CSMD1: variants seen among roughly 807,000 people sequenced by gnomAD.
The protein encoded by CSMD1 is CUB and sushi domain-containing protein 1.
CSMD1 carries 213 observed loss-of-function variants against 417.5 expected under a neutral mutation model. The ratio of observed to expected loss-of-function variants is 0.51; its 90% CI spans 0.46 to 0.57. CSMD1 has a LOEUF of 0.57. CSMD1 is among the 20% of genes least tolerant of loss of function. The pLI is 0.00. For missense variants in CSMD1, 6,923 were observed against 4,529.7 expected (o/e 1.53, Z -15.17); for synonymous variants, 2,862 against 1,736.8 (o/e 1.65, Z -16.11).
intron 3 of CSMD1, among the ~76,000 whole-genome samples, chr8:4,377,046 T>C (rs1441317192): frequency 1.3e-5 from 2 of 152,180 alleles, no homozygotes; most frequent in Non-Finnish European, 2.9e-5. Context: ...CGGTTTCAGA[T>C]TGTTCTCCTG....
intron 5 of CSMD1, among the ~76,000 whole-genome samples, chr8:3,794,303 C>T (rs1450633453): frequency 1.3e-5 from 2 of 152,152 alleles, no homozygotes; most frequent in African/African-American, 4.8e-5. Flanking sequence ...CGACTTCAAA[C>T]TGAAAACTCT....
At chr8:4,856,752 C>G (rs1801824836) in intron 1 of CSMD1, among the ~76,000 whole-genome samples, 1 of 149,420 alleles carries the variant, frequency 6.7e-6, no homozygotes, top group African/African-American at 2.5e-5. Context: ...ACAGGAGCAC[C>G]AAGATTCATA....
chr8:4,420,022 A>T lies in CSMD1; in HGVS notation c.346T>A (p.Ser116Thr). The T allele has an allele frequency of 6.3e-7, 1 of 1,584,328 alleles. No homozygotes were observed. The highest frequency in any genetic ancestry group is 8.6e-7 in the Non-Finnish European group (1 of 1,164,016). Residue 116 changes from serine to threonine, a missense_variant, in exon 3 of 70, where the codon TCT becomes ACT. By Grantham distance (58) the Ser-to-Thr change is moderately conservative (BLOSUM62 1). Coordinates refer to ENST00000635120, the MANE Select transcript of CSMD1 (RefSeq NM_033225.6). ...GTCGTGAACCACAGAGTGAGGATAGATCCTGTACTCACTATAGAGGAGGGC... is the reference window on the plus strand; with the variant it reads ...GTCGTGAACCACAGAGTGAGGATAGTTCCTGTACTCACTATAGAGGAGGGC... Reference protein sequence around the residue: ...QLPSSIVSTGSILTLWFTTDF... With the variant: ...QLPSSIVSTGTILTLWFTTDF...
intron 3 of CSMD1, among the ~76,000 whole-genome samples, chr8:4,331,547 G>A (rs75758201): frequency 3.9e-5 from 6 of 152,208 alleles, no homozygotes; most frequent in Admixed American, 6.5e-5. Context: ...AAGCCTGGCA[G>A]TATGAATTAA....
chr8:4,866,626 A>T (rs1299137859), intron 1 of CSMD1, among the ~76,000 whole-genome samples: 1 of 151,960 alleles, frequency 6.6e-6, no homozygotes, highest in Non-Finnish European at 1.5e-5. Context: ...TCATAACCTC[A>T]AATGAGATTC....
intron 25 of CSMD1, among the ~76,000 whole-genome samples, chr8:3,305,502 A>G (rs1265223718): frequency 6.6e-6 from 1 of 152,058 alleles, no homozygotes; most frequent in Non-Finnish European, 1.5e-5. Context: ...TGGGTTAGCT[A>G]TAGTGGGAGG....
At chr8:4,563,501 C>T (rs900730040) in intron 2 of CSMD1, among the ~76,000 whole-genome samples, 4 of 152,164 alleles carry the variant, frequency 2.6e-5, no homozygotes, top group Non-Finnish European at 2.9e-5. Flanking sequence ...ATTCCTGTGC[C>T]GGCTATACCT....
intron 1 of CSMD1, among the ~76,000 whole-genome samples, chr8:4,663,266 A>G (rs1308336165): frequency 1.3e-5 from 2 of 152,238 alleles, no homozygotes; most frequent in African/African-American, 4.8e-5. Flanking sequence ...TATATACACG[A>G]TAACACAAAG....
chr8:3,684,272 GTTATATATTATATATAATATATAAA>G (rs1255191503), intron 7 of CSMD1, among the ~76,000 whole-genome samples: 1 of 137,664 alleles, frequency 7.3e-6, no homozygotes. Flanking sequence ...ATAGCTATAT[GTTATATATTATATATAATATATAAA>G]TTATATATTA....
intron 5 of CSMD1, among the ~76,000 whole-genome samples, chr8:3,976,696 T>G (rs1813461689): frequency 6.6e-6 from 1 of 152,160 alleles, no homozygotes; most frequent in African/African-American, 2.4e-5. Flanking sequence ...ATATTTTACT[T>G]ATGAACCCTT....
At chr8:4,283,316 C>T (rs542124122) in intron 3 of CSMD1, among the ~76,000 whole-genome samples, 1 of 152,252 alleles carries the variant, frequency 6.6e-6, no homozygotes, top group East Asian at 1.9e-4. Flanking sequence ...TGATTTGTAG[C>T]TTCAGTTCTC....
intron 12 of CSMD1, among the ~76,000 whole-genome samples, chr8:3,450,066 G>A (rs117169655): frequency 0.012 from 1,789 of 152,254 alleles, 11 homozygotes; most frequent in Non-Finnish European, 0.019. Flanking sequence ...AGACACATAC[G>A]AAATTCGGAA....
At chr8:3,326,862 T>C (rs1212656662) in intron 23 of CSMD1, among the ~76,000 whole-genome samples, 1 of 152,140 alleles carries the variant, frequency 6.6e-6, no homozygotes, top group Non-Finnish European at 1.5e-5. Flanking sequence ...AGGTGTAAGT[T>C]TATAAAAATG....
intron 5 of CSMD1, among the ~76,000 whole-genome samples, chr8:3,810,222 A>G (rs987588215): frequency 3.9e-5 from 6 of 152,148 alleles, no homozygotes; most frequent in African/African-American, 1.4e-4. Context: ...CTTTGACAGT[A>G]TAGAGAAGTT....
intron 23 of CSMD1, among the ~76,000 whole-genome samples, chr8:3,337,203 G>A (rs1439234725): frequency 3.9e-5 from 6 of 152,088 alleles, no homozygotes; most frequent in Non-Finnish European, 7.4e-5. Context: ...CCCATCTTCC[G>A]TCTCCTTACT....
At chr8:3,359,062 C>T (rs543481612) in intron 21 of CSMD1, 90 bp downstream of exon 21, 6 of 1,263,716 alleles carry the variant, frequency 4.7e-6, no homozygotes, top group African/African-American at 1.5e-5. Context: ...TGTCAACAAA[C>T]CCCCACCCGA....
chr8:4,763,191 G>A (rs1241400608), intron 1 of CSMD1, among the ~76,000 whole-genome samples: 1 of 152,138 alleles, frequency 6.6e-6, no homozygotes, highest in African/African-American at 2.4e-5. Context: ...AAGATCTGGG[G>A]GTAGAATTGA....
intron 1 of CSMD1, among the ~76,000 whole-genome samples, chr8:4,776,836 G>A (rs1394459871): frequency 1.3e-5 from 2 of 152,108 alleles, no homozygotes; most frequent in Non-Finnish European, 2.9e-5. Context: ...ACTGATTTCT[G>A]ATTCTGGAGC....
At chr8:3,998,626 T>A (rs781744487) in intron 4 of CSMD1, among the ~76,000 whole-genome samples, 8 of 152,128 alleles carry the variant, frequency 5.3e-5, no homozygotes, top group African/African-American at 1.9e-4. Context: ...AAGAGGCACA[T>A]CACCTCATAA....
Sources: gnomAD v4.1 joint callset for allele counts (sites outside exome capture counted in the v4.1 genomes callset) on GRCh38, gnomAD v4.1.1 for gene constraint, MANE v1.5 for transcripts, NCBI Gene and HGNC (gene_info 2026-07-23, HGNC 2026-07-21) for gene names.